The following YME1L1 variants were observed in gnomAD, a reference collection of about 807,000 sequenced individuals.
The protein encoded by YME1L1 is YME1 like 1 ATPase, also known as ATP-dependent zinc metalloprotease YME1L1.
A neutral mutation model predicts 90.4 loss-of-function variants in YME1L1; 39 were observed. The ratio of observed to expected loss-of-function variants is 0.43; its 90% CI spans 0.33 to 0.56. YME1L1 has a LOEUF of 0.56. YME1L1 is among the 20% of genes least tolerant of loss of function. YME1L1 has a pLI of 0.03. For synonymous variants in YME1L1, 284 were observed against 287.3 expected (o/e 0.99, Z 0.12); for missense variants, 617 against 868.4 (o/e 0.71, Z 3.64).
chr10:27,136,184 C>A, intron 5 of YME1L1, 92 bp downstream of exon 5: 1 of 1,016,136 alleles, frequency 9.8e-7, no homozygotes, highest in Non-Finnish European at 1.5e-6. Context: ...GGAAGAATAT[C>A]TATCAGCCAA....
intron 2 of YME1L1, 87 bp downstream of exon 2, chr10:27,148,819 G>A (rs959576903): frequency 6.5e-7 from 1 of 1,541,848 alleles, no homozygotes; most frequent in Non-Finnish European, 8.7e-7. Flanking sequence ...GACTACGGGG[G>A]AGGGACAATA....
intron 12 of YME1L1, among the ~76,000 whole-genome samples, chr10:27,121,083 T>C (rs1186436488): frequency 6.6e-6 from 1 of 152,220 alleles, no homozygotes; most frequent in East Asian, 1.9e-4. Context: ...GTAATTCACA[T>C]AATTTAAAGT....
intron 17 of YME1L1, among the ~76,000 whole-genome samples, chr10:27,115,321 A>G (rs1324839215): frequency 6.8e-6 from 1 of 146,708 alleles, no homozygotes; most frequent in Non-Finnish European, 1.5e-5. Context: ...AACATTTAAA[A>G]TCTTTTTTTT....
chr10:27,124,709 GTGAT>G (rs1295849119), intron 9 of YME1L1, among the ~76,000 whole-genome samples: 10 of 152,070 alleles, frequency 6.6e-5, no homozygotes, highest in Non-Finnish European at 1.2e-4. Context: ...AATACTCCTT[GTGAT>G]TAGAAAGAGG....
In YME1L1 at chr10:27,123,706, G is replaced by C. The variant is rs772277596; in HGVS notation, c.950-7C>G. On this transcript the variant is annotated splice_polypyrimidine_tract_variant and splice_region_variant and intron_variant, in intron 9 of 18. Coordinates refer to ENST00000376016, the MANE Select transcript of YME1L1 (RefSeq NM_014263.4). ...GGTCCAACTAAAAGAATTCCTAAAA[G>C]AAAATGAAAACGAGAATGATTCAAA... is the stretch of plus-strand genomic sequence containing the variant. 6.3e-7 allele frequency: 1 copy of C among 1,582,300 alleles called. No homozygotes were observed. The highest frequency in any genetic ancestry group is 8.6e-7 in the Non-Finnish European group (1 of 1,168,514).
At position 27,125,063 on chromosome 10, in the gene YME1L1, G is replaced by A. The variant is rs182347470; in HGVS notation, c.950-1364C>T. 1.0e-3 allele frequency among the ~76,000 whole-genome samples: 154 copies of A among 152,266 alleles called. 2 individuals carry two copies. Among genetic ancestry groups the A allele is most frequent in the Middle Eastern group, 6.8e-3 (2 of 294 alleles). On this transcript the variant is annotated intron_variant, in intron 9 of 18. Coordinates refer to ENST00000376016, the MANE Select transcript of YME1L1 (RefSeq NM_014263.4). ...TTCATACACTGCTGTATTTTCAGTGGAGATAGTTGGCAGCATAAAAACAAG... is the reference window on the plus strand; with the variant it reads ...TTCATACACTGCTGTATTTTCAGTGAAGATAGTTGGCAGCATAAAAACAAG...
At position 27,111,852 on chromosome 10, in the gene YME1L1, A is replaced by G; in HGVS notation, c.*125T>C. ...GGATAAATGTGACAAATGATTGACA[A>G]AGCATTTCACACCCTTCAATTACAC... is the stretch of plus-strand genomic sequence containing the variant. On this transcript the variant is annotated 3_prime_UTR_variant, in exon 19 of 19. Coordinates refer to ENST00000376016, the MANE Select transcript of YME1L1 (RefSeq NM_014263.4). The G allele has an allele frequency of 1.6e-6, 2 of 1,268,310 alleles. No homozygotes were observed. The highest frequency in any genetic ancestry group is 2.3e-6 in the Non-Finnish European group (2 of 876,294). The allele number at this position is 1,268,310 out of a possible 1,614,324, so 78.6% of individuals were successfully genotyped here. A position where few individuals can be genotyped will look rare whatever the true frequency, so the allele number is the denominator to read the frequency against.
intron 2 of YME1L1, chr10:27,147,479 G>A: frequency 1.9e-6 from 3 of 1,614,162 alleles, no homozygotes; most frequent in Non-Finnish European, 2.5e-6. Context: ...ATAGGCATTT[G>A]GAGAAACCCG....
At chr10:27,154,115 G>C in intron 1 of YME1L1, 63 bp downstream of exon 1, 2 of 1,548,286 alleles carry the variant, frequency 1.3e-6, no homozygotes, top group Admixed American at 1.9e-5. Context: ...TTCCACGAGC[G>C]CAATTTGCAA....
chr10:27,144,627 G>GT (rs1321866294), intron 3 of YME1L1, among the ~76,000 whole-genome samples: 1 of 151,968 alleles, frequency 6.6e-6, no homozygotes, highest in African/African-American at 2.4e-5. Flanking sequence ...GATAACAACT[G>GT]TTTTTTTAAT....
chr10:27,136,405 T>TACATGAAAACTAAATAAAACAA lies in YME1L1; in HGVS notation c.431-21_431-20insTTGTTTTATTTAGTTTTCATGT. On this transcript the variant is annotated intron_variant, in intron 4 of 18. Coordinates refer to ENST00000376016, the MANE Select transcript of YME1L1 (RefSeq NM_014263.4). ...TGAAAACTAAATAAAACAATACCAT[T>TACATGAAAACTAAATAAAACAA]CACTGTCACTATAAATTGTTACAGG... is the stretch of plus-strand genomic sequence containing the variant. 1 of 1,574,928 alleles carries TACATGAAAACTAAATAAAACAA rather than the reference T, an allele frequency of 6.3e-7. No homozygotes were observed. Among genetic ancestry groups the TACATGAAAACTAAATAAAACAA allele is most frequent in the Non-Finnish European group, 8.7e-7 (1 of 1,148,974 alleles).
chr10:27,147,697 T>C, intron 2 of YME1L1: 2 of 1,550,584 alleles, frequency 1.3e-6, no homozygotes, highest in African/African-American at 1.4e-5. Flanking sequence ...TGATTCCTGG[T>C]TGTGGTATGC....
chr10:27,148,823 G>A, intron 2 of YME1L1, 83 bp downstream of exon 2: 3 of 1,556,522 alleles, frequency 1.9e-6, no homozygotes, highest in East Asian at 2.3e-5. Context: ...ACGGGGGAGG[G>A]ACAATATCCT....
chr10:27,150,093 T>TA (rs2057195014), intron 1 of YME1L1, among the ~76,000 whole-genome samples: 1 of 148,090 alleles, frequency 6.8e-6, no homozygotes, highest in African/African-American at 2.5e-5. Context: ...AATAAATAAA[T>TA]AAAAATGAAA....
At chr10:27,122,648 C>T (rs554504554) in intron 11 of YME1L1, among the ~76,000 whole-genome samples, 193 bp downstream of exon 11, 1 of 152,132 alleles carries the variant, frequency 6.6e-6, no homozygotes, top group South Asian at 2.1e-4. Context: ...GTAATGAAAA[C>T]AATACAATAC....
chr10:27,116,910 T>C (rs1272940838), intron 15 of YME1L1, among the ~76,000 whole-genome samples: 11 of 152,018 alleles, frequency 7.2e-5, no homozygotes, highest in Non-Finnish European at 1.5e-4. Context: ...AGTTCTGATA[T>C]AGTTACATTA....
chr10:27,150,920 CTTTTTTTT>C (rs142259641), intron 1 of YME1L1, among the ~76,000 whole-genome samples: 1 of 87,660 alleles, frequency 1.1e-5, no homozygotes, highest in Non-Finnish European at 2.3e-5. Context: ...ACTCTCTCGC[CTTTTTTTT>C]TTTTTTTTTT....
At position 27,154,301 on chromosome 10, in the gene YME1L1, T is replaced by G. The variant is rs1293880251; in HGVS notation, c.-91A>C. 6.8e-7 allele frequency: 1 copy of G among 1,471,636 alleles called. No homozygotes were observed. The highest frequency in any genetic ancestry group is 2.3e-5 in the Admixed American group (1 of 44,000). The allele number at this position is 1,471,636 out of a possible 1,614,324, so 91.2% of individuals were successfully genotyped here. A position where few individuals can be genotyped will look rare whatever the true frequency, so the allele number is the denominator to read the frequency against. On this transcript the variant is annotated 5_prime_UTR_variant, in exon 1 of 19. Coordinates refer to ENST00000376016, the MANE Select transcript of YME1L1 (RefSeq NM_014263.4). ...GGGGAGGCGCTGAGCCCTTCTTTTT[T>G]CCTTTTTCTCCGACCCGTTGCCCCT...
chr10:27,118,356 A>G (rs1165085906), intron 14 of YME1L1, among the ~76,000 whole-genome samples: 1 of 150,304 alleles, frequency 6.7e-6, no homozygotes, highest in African/African-American at 2.5e-5. Context: ...ATCATGGCTC[A>G]CTGTAGCTTT....
Sources: allele counts gnomAD v4.1 joint callset (sites outside exome capture counted in the v4.1 genomes callset), GRCh38; gene constraint gnomAD v4.1.1; transcripts MANE v1.5; gene names NCBI Gene and HGNC (gene_info 2026-07-23, HGNC 2026-07-21).